MAGI2: variants seen among roughly 807,000 people sequenced by gnomAD.
MAGI2 encodes the protein membrane associated guanylate kinase, WW and PDZ domain containing 2.
A neutral mutation model predicts 133.3 loss-of-function variants in MAGI2; 35 were observed. The observed-to-expected ratio is 0.26, with a 90% CI of 0.20 to 0.35. MAGI2 has a LOEUF of 0.35. Among genes scored for constraint, MAGI2 ranks in the 10% least tolerant of loss-of-function variants. MAGI2 has a pLI of 1.00. For synonymous variants in MAGI2, 729 were observed against 710.6 expected, an observed-to-expected ratio of 1.03 and a Z score of -0.41; for missense variants, 1,636 against 1,863.4, an observed-to-expected ratio of 0.88 and a Z score of 2.25.
Position 79,158,955 on chromosome 7 carries a change from A to G in MAGI2, c.302-151749T>C, listed in dbSNP as rs115326159. ...TCTTTGTCTAATTCAAAGTTTATTT[A>G]AGGTTTTATACCTTTTACCTTGTTT... On this transcript the variant is annotated intron_variant, in intron 1 of 21. Coordinates refer to ENST00000354212, the MANE Select transcript of MAGI2 (RefSeq NM_012301.4). Among the ~76,000 whole-genome samples, 321 of 152,232 alleles carry G rather than the reference A, an allele frequency of 2.1e-3. 1 individual carries two copies. Among genetic ancestry groups the G allele is most frequent in the African/African-American group, 7.5e-3 (312 of 41,572 alleles).
At chr7:78,565,718 C>A (rs1040476131) in intron 3 of MAGI2, among the ~76,000 whole-genome samples, 10 of 152,144 alleles carry the variant, frequency 6.6e-5, no homozygotes. Flanking sequence ...GCTCATGGCA[C>A]GACTAATATA....
At chr7:79,163,576 T>C (rs6466533) in intron 1 of MAGI2, among the ~76,000 whole-genome samples, 97,153 of 151,912 alleles carry the variant, frequency 0.64, 35,468 homozygotes, top group Non-Finnish European at 0.83. Flanking sequence ...TGAAGAGAGA[T>C]TAAATTTGTT....
rs189148448 is a variant in MAGI2, at chr7:78,815,661, T to C, written c.419-188422A>G. Among the ~76,000 whole-genome samples the C allele has an allele frequency of 8.9e-4, 136 of 152,316 alleles. 1 individual carries two copies. Among genetic ancestry groups the C allele is most frequent in the African/African-American group, 3.2e-3 (131 of 41,570 alleles). On this transcript the variant is annotated intron_variant, in intron 2 of 21. Coordinates refer to ENST00000354212, the MANE Select transcript of MAGI2 (RefSeq NM_012301.4). ...CAAACTTTTTCATTATGATTATATT[T>C]GTCACGGTGATCTGTGATCAGTGAG...
intron 6 of MAGI2, among the ~76,000 whole-genome samples, chr7:78,456,594 T>A (rs1475815640): frequency 6.6e-6 from 1 of 152,190 alleles, no homozygotes; most frequent in African/African-American, 2.4e-5. Flanking sequence ...ACCTGCTATG[T>A]GCTAGGACTA....
intron 6 of MAGI2, among the ~76,000 whole-genome samples, chr7:78,450,412 T>C (rs1046973454): frequency 6.6e-6 from 1 of 152,076 alleles, no homozygotes; most frequent in African/African-American, 2.4e-5. Flanking sequence ...TATCTTGAAA[T>C]TGCCCCATTT....
intron 2 of MAGI2, among the ~76,000 whole-genome samples, chr7:78,800,436 G>A (rs1268086939): frequency 6.6e-6 from 1 of 151,810 alleles, no homozygotes; most frequent in Non-Finnish European, 1.5e-5. Flanking sequence ...AATGGAAGAG[G>A]CCTAAAAATG....
intron 1 of MAGI2, among the ~76,000 whole-genome samples, chr7:79,207,541 A>G (rs111452007): frequency 0.029 from 4,408 of 152,004 alleles, 103 homozygotes; most frequent in African/African-American, 0.04. Flanking sequence ...ACTATAAAAT[A>G]TTGCTGAAAG....
Position 78,906,725 on chromosome 7 carries a change from T to C in MAGI2, c.418+100365A>G, listed in dbSNP as rs148563237. 8.6e-3 allele frequency among the ~76,000 whole-genome samples: 1,283 copies of C among 149,058 alleles called. 7 individuals are homozygous for C. Among genetic ancestry groups the C allele is most frequent in the Middle Eastern group, 0.021 (6 of 292 alleles). Reference sequence around the variant, plus strand: ...TAGTGCTATTTTTGGTCAAGGATGATATGCTATAATAAAGCTTATAGAAAT... The same window carrying C: ...TAGTGCTATTTTTGGTCAAGGATGACATGCTATAATAAAGCTTATAGAAAT... On this transcript the variant is annotated intron_variant, in intron 2 of 21. Coordinates refer to ENST00000354212, the MANE Select transcript of MAGI2 (RefSeq NM_012301.4).
chr7:78,147,648 G>GA (rs914547178), intron 16 of MAGI2, among the ~76,000 whole-genome samples: 7 of 151,408 alleles, frequency 4.6e-5, no homozygotes, highest in Admixed American at 2.0e-4. Context: ...GACTAAAAGT[G>GA]AAAAAAAACT....
At chr7:78,147,241 T>C (rs1823391523) in intron 16 of MAGI2, among the ~76,000 whole-genome samples, 1 of 152,190 alleles carries the variant, frequency 6.6e-6, no homozygotes, top group African/African-American at 2.4e-5. Flanking sequence ...AAGATCTTGA[T>C]CATATATTAA....
intron 1 of MAGI2, among the ~76,000 whole-genome samples, chr7:79,191,834 T>C (rs1827701728): frequency 6.6e-6 from 1 of 151,830 alleles, no homozygotes; most frequent in South Asian, 2.1e-4. Flanking sequence ...CTTATTTCCT[T>C]ATTAAATTAC....
chr7:79,100,923 C>T (rs1817919282), intron 1 of MAGI2, among the ~76,000 whole-genome samples: 1 of 151,756 alleles, frequency 6.6e-6, no homozygotes, highest in Admixed American at 6.6e-5. Flanking sequence ...AACACTTTTC[C>T]AATGCCTCAT....
At chr7:78,649,222 TAAA>T (rs1361378575) in intron 2 of MAGI2, among the ~76,000 whole-genome samples, 1 of 45,050 alleles carries the variant, frequency 2.2e-5, no homozygotes. Context: ...TGACTTGTGG[TAAA>T]AAAAAAAAAA....
intron 1 of MAGI2, among the ~76,000 whole-genome samples, chr7:79,359,296 C>G (rs973987634): frequency 6.6e-6 from 1 of 151,922 alleles, no homozygotes; most frequent in African/African-American, 2.4e-5. Context: ...TCATCCAAAA[C>G]TAAACAGTAG....
intron 6 of MAGI2, among the ~76,000 whole-genome samples, chr7:78,416,004 G>C (rs1400085418): frequency 2.0e-5 from 3 of 152,120 alleles, no homozygotes; most frequent in Admixed American, 1.3e-4. Flanking sequence ...CCCAGTTCCA[G>C]GGAGCAGAAT....
At chr7:79,338,267 G>C (rs1358884990) in intron 1 of MAGI2, among the ~76,000 whole-genome samples, 2 of 152,070 alleles carry the variant, frequency 1.3e-5, no homozygotes, top group Non-Finnish European at 2.9e-5. Flanking sequence ...AGGTGCATCT[G>C]CCTTCTCTAG....
Position 78,832,808 on chromosome 7 carries a change from TC to T in MAGI2, c.418+174281del, listed in dbSNP as rs549019028. 3.0e-3 allele frequency among the ~76,000 whole-genome samples: 459 copies of T among 152,288 alleles called. 1 individual carries two copies. Among genetic ancestry groups the T allele is most frequent in the South Asian group, 6.6e-3 (32 of 4,828 alleles). ...ACGAGCCAACAGCATGTGATGTGCT[TC>T]CCCCTGCAGAGAGCCTATGAATGGA... On this transcript the variant is annotated intron_variant, in intron 2 of 21. Transcript: ENST00000354212.
chr7:78,300,293 C>T (rs1236368043), intron 9 of MAGI2, among the ~76,000 whole-genome samples: 1 of 152,166 alleles, frequency 6.6e-6, no homozygotes, highest in East Asian at 1.9e-4. Context: ...TGGTTAACTA[C>T]ATATCAGTGT....
intron 1 of MAGI2, among the ~76,000 whole-genome samples, chr7:79,025,672 T>C (rs1210417643): frequency 1.3e-5 from 2 of 152,152 alleles, no homozygotes; most frequent in African/African-American, 2.4e-5. Context: ...AAGATTTCTT[T>C]ATCAGTCTTG....
Sources: gnomAD v4.1 joint callset for allele counts (sites outside exome capture counted in the v4.1 genomes callset) on GRCh38, gnomAD v4.1.1 for gene constraint, MANE v1.5 for transcripts, NCBI Gene and HGNC (gene_info 2026-07-23, HGNC 2026-07-21) for gene names.